The following SI variants were observed in gnomAD, a reference collection of about 807,000 sequenced individuals.
SI encodes sucrase-isomaltase.
A neutral mutation model predicts 253.3 loss-of-function variants in SI; 235 were observed. The observed-to-expected ratio is 0.93, with a 90% CI of 0.83 to 1.03. The LOEUF (loss-of-function observed/expected upper bound fraction) is 1.03, where lower values mean the gene tolerates loss of function less well. Among genes scored for constraint, SI ranks in the 50% least tolerant of loss-of-function variants. The pLI is 0.00. For missense variants in SI, 2,442 were observed against 2,211.1 expected, an observed-to-expected ratio of 1.10 and a Z score of -2.09; for synonymous variants, 819 against 712.0, an observed-to-expected ratio of 1.15 and a Z score of -2.39.
intron 1 of SI, among the ~76,000 whole-genome samples, chr3:165,076,394 C>G (rs1714974709): frequency 7.1e-6 from 1 of 140,950 alleles, no homozygotes; most frequent in African/African-American, 2.5e-5. Context: ...CACTGTTTCT[C>G]AATTCTCACA....
intron 9 of SI, among the ~76,000 whole-genome samples, chr3:165,061,209 A>G (rs1713969710): frequency 6.6e-6 from 1 of 151,914 alleles, no homozygotes; most frequent in African/African-American, 2.4e-5. Context: ...TATATGTAAC[A>G]ATATTCTTTT....
chr3:165,088,455 C>A, the SI span, among the ~76,000 whole-genome samples: 1 of 151,814 alleles, frequency 6.6e-6, no homozygotes, highest in Non-Finnish European at 1.5e-5. Context: ...CCAGCCTGGC[C>A]AATATGGTGA....
chr3:165,068,769 C>G lies in SI; in HGVS notation c.436G>C (p.Val146Leu). ...GTCTGATTTTGAGTTGTGAAGAGAA[C>G]ACTGTTGATGTCATTTCCAAATAGT... ...PTLFGNDINSVLFTTQNQTPN... is the reference protein window; with the variant it reads ...PTLFGNDINSLLFTTQNQTPN... The change falls in exon 5 of 48, where the codon GTT becomes CTT. Residue 146 changes from valine (V) to leucine (L), a missense_variant. Physicochemically the swap from Val to Leu is conservative, Grantham distance 32. Coordinates refer to ENST00000264382, the MANE Select transcript of SI (RefSeq NM_001041.4). The G allele has an allele frequency of 1.2e-6, 2 of 1,613,902 alleles. No homozygotes were observed. The highest frequency in any genetic ancestry group is 1.7e-6 in the Non-Finnish European group (2 of 1,179,864).
rs773350236 is a variant in SI at position 164,992,253 on chromosome 3, C to G, written c.4927-20G>C. On this transcript the variant is annotated intron_variant, in intron 42 of 47. Coordinates refer to ENST00000264382, the MANE Select transcript of SI (RefSeq NM_001041.4). ...AACATACTGGAATGTAAATAAATAG[C>G]CATTAGTTGTATATAAACCAAAGAA... 2 of 1,612,272 alleles carry G rather than the reference C, an allele frequency of 1.2e-6. No individual in the cohort carries two copies. The highest frequency in any genetic ancestry group is 1.1e-5 in the South Asian group (1 of 91,042).
chr3:165,022,499 T>G (rs9861886), intron 26 of SI, among the ~76,000 whole-genome samples: 217 of 149,732 alleles, frequency 1.4e-3, no homozygotes, highest in Admixed American at 2.6e-3. Flanking sequence ...TGAACCTTTC[T>G]TCACACACAC....
chr3:165,021,119 T>C, intron 27 of SI, 110 bp downstream of exon 27: 1 of 909,540 alleles, frequency 1.1e-6, no homozygotes. Context: ...ACGTCTTAAA[T>C]TTTTTTGTGT....
chr3:165,063,358 C>T (rs1338003249), intron 8 of SI, 84 bp downstream of exon 8: 1 of 700,104 alleles, frequency 1.4e-6, no homozygotes, highest in African/African-American at 1.8e-5. Context: ...CTCTCACATA[C>T]AATATGAATG....
At chr3:164,993,243 A>C (rs968623634) in intron 41 of SI, among the ~76,000 whole-genome samples, 1 of 151,782 alleles carries the variant, frequency 6.6e-6, no homozygotes, top group Non-Finnish European at 1.5e-5. Flanking sequence ...AGCAAATAAG[A>C]ATAACAAAAA....
At chr3:165,016,887 T>G (rs1014449709) in intron 31 of SI, among the ~76,000 whole-genome samples, 5 of 151,922 alleles carry the variant, frequency 3.3e-5, no homozygotes, top group Non-Finnish European at 2.9e-5. Flanking sequence ...ATTCAGGAAC[T>G]CTATATTGGA....
chr3:165,063,361 T>C lies in SI; in HGVS notation c.907+81A>G, dbSNP rs150560701. On this transcript the variant is annotated intron_variant, in intron 8 of 47. Transcript: ENST00000264382. ...TAATAGAGTTTACTCTCACATACAA[T>C]ATGAATGATTGAAATAAAGAGAGCA... 1,157 of 715,264 alleles carry C rather than the reference T, an allele frequency of 1.6e-3. 12 individuals carry two copies. In the East Asian group the frequency reaches 0.02, roughly 12 times the overall value. 44.3% of individuals were successfully genotyped at this position (715,264 alleles called of 1,614,324 possible).
At chr3:165,057,383 A>C (rs1442571369) in intron 12 of SI, among the ~76,000 whole-genome samples, 1 of 151,998 alleles carries the variant, frequency 6.6e-6, no homozygotes. Flanking sequence ...ATTGGCCTTA[A>C]AGAGGAAGTA....
rs66946322 is a variant in SI at position 165,065,464 on chromosome 3, AATAT to A, written c.636-36_636-33del. ...CATAAAAGAAATAAAGAAATAATCT[AATAT>A]ATATATATATATATATATATATATA... On this transcript the variant is annotated intron_variant, in intron 6 of 47. Coordinates refer to ENST00000264382, the MANE Select transcript of SI (RefSeq NM_001041.4). 564 of 208,188 alleles carry A rather than the reference AATAT, an allele frequency of 2.7e-3. 59 individuals are homozygous for A. The highest frequency in any genetic ancestry group is 6.5e-3 in the Admixed American group (61 of 9,402). 12.9% of individuals were successfully genotyped at this position (208,188 alleles called of 1,614,324 possible). A position where few individuals can be genotyped will look rare whatever the true frequency, so the allele number is the denominator to read the frequency against.
At chr3:164,991,276 A>C in intron 44 of SI, 77 bp downstream of exon 44, 1 of 1,555,538 alleles carries the variant, frequency 6.4e-7, no homozygotes, top group Non-Finnish European at 8.9e-7. Context: ...TAAAATTTCA[A>C]ACCCTTTCTA....
chr3:165,012,002 T>C (rs1163460117), intron 34 of SI, among the ~76,000 whole-genome samples: 2 of 152,102 alleles, frequency 1.3e-5, no homozygotes, highest in East Asian at 3.9e-4. Context: ...AGTGATTGTC[T>C]TAAAATGTAT....
At chr3:165,047,340 T>C (rs1380607928) in intron 15 of SI, among the ~76,000 whole-genome samples, 2 of 152,066 alleles carry the variant, frequency 1.3e-5, no homozygotes, top group Non-Finnish European at 2.9e-5. Flanking sequence ...TGTTACTTGC[T>C]TCTCCTTGTC....
upstream of SI, among the ~76,000 whole-genome samples, chr3:165,082,908 G>A (rs969421630): frequency 2.4e-4 from 36 of 151,958 alleles, no homozygotes; most frequent in African/African-American, 8.2e-4. Flanking sequence ...GACTTGTGCT[G>A]TGTGGCTATA....
intron 17 of SI, 24 bp downstream of exon 17, chr3:165,043,035 A>G (rs1304468964): frequency 1.5e-6 from 2 of 1,350,382 alleles, no homozygotes; most frequent in East Asian, 4.6e-5. Context: ...TTATTTCGCA[A>G]CATGGAGAAC....
Position 165,063,033 on chromosome 3 carries a change from T to C in SI, c.907+409A>G, listed in dbSNP as rs377163384. Reference sequence around the variant, plus strand: ...ATACTACACTCATAATATTACAAAATAAAATACTACATTATATGAGTTATG... The same window carrying C: ...ATACTACACTCATAATATTACAAAACAAAATACTACATTATATGAGTTATG... On this transcript the variant is annotated intron_variant, in intron 8 of 47. Coordinates refer to ENST00000264382, the MANE Select transcript of SI (RefSeq NM_001041.4). Among the ~76,000 whole-genome samples, 9 of 152,220 alleles carry C rather than the reference T, an allele frequency of 5.9e-5. No homozygotes were observed. The East Asian group carries it at 1.5e-3, about 26-fold the overall frequency.
intron 47 of SI, among the ~76,000 whole-genome samples, chr3:164,981,826 G>A (rs1717202421): frequency 6.6e-6 from 1 of 152,034 alleles, no homozygotes; most frequent in Non-Finnish European, 1.5e-5. Flanking sequence ...TGTATTATCT[G>A]TATCATATGT....
Sources: gnomAD v4.1 joint callset for allele counts (sites outside exome capture counted in the v4.1 genomes callset) on GRCh38, gnomAD v4.1.1 for gene constraint, MANE v1.5 for transcripts, NCBI Gene and HGNC (gene_info 2026-07-23, HGNC 2026-07-21) for gene names.